The following FBXO22 variants were observed in gnomAD, a reference collection of about 807,000 sequenced individuals.
FBXO22 encodes F-box protein 22, also known as F-box only protein 22.
In FBXO22, 13 loss-of-function variants were observed where a neutral mutation model predicts 37.2. That is an observed-to-expected ratio of 0.35 (90% CI 0.23 to 0.56). FBXO22 has a LOEUF of 0.56. FBXO22 is among the 20% of genes least tolerant of loss of function. The pLI is 0.87. For missense variants in FBXO22, 446 were observed against 509.9 expected, an observed-to-expected ratio of 0.87 and a Z score of 1.21; for synonymous variants, 189 against 189.1, an observed-to-expected ratio of 1.00 and a Z score of 0.00.
In FBXO22 at chr15:75,904,602, G is replaced by A; in HGVS notation, c.252G>A (p.Leu84=). ...AEAGHLEGHC[L]VRVVAEELEN... ...CCGGCCACCTGGAGGGGCATTGCTT[G>A]GTTCGCGTGGTAGCAGAGGAGCTTG... The change falls in exon 2 of 7, where the codon TTG becomes TTA. Residue 84 remains leucine (L), a synonymous_variant. Coordinates refer to ENST00000308275, the MANE Select transcript of FBXO22 (RefSeq NM_147188.3). 1 of 1,612,154 alleles carries A rather than the reference G, an allele frequency of 6.2e-7. No individual in the cohort carries two copies. The highest frequency in any genetic ancestry group is 1.1e-5 in the South Asian group (1 of 90,906).
At chr15:75,913,790 G>GC (rs146575958) in intron 3 of FBXO22, among the ~76,000 whole-genome samples, 3,250 of 152,244 alleles carry the variant, frequency 0.021, 138 homozygotes, top group African/African-American at 0.075. Flanking sequence ...TAGTTATACT[G>GC]CAATATCAGC....
At chr15:75,909,208 G>A (rs947778701) in intron 2 of FBXO22, among the ~76,000 whole-genome samples, 3 of 152,198 alleles carry the variant, frequency 2.0e-5, no homozygotes, top group African/African-American at 4.8e-5. Context: ...GGAGATAGGG[G>A]ACAAATAAGA....
rs1366743815 is a variant in FBXO22 at position 75,934,209 on chromosome 15, C to T, written c.*1107C>T. On this transcript the variant is annotated 3_prime_UTR_variant, in exon 7 of 7. Transcript: ENST00000308275. ...ATGACCATTTATTTGCCCCTTTCTC[C>T]ATCCTGTTGCTTGGAATGTGGATCT... 1.3e-5 allele frequency: 2 copies of T among 152,228 alleles called. No homozygotes were observed. Among genetic ancestry groups the T allele is most frequent in the African/African-American group, 4.8e-5 (2 of 41,436 alleles). 9.4% of individuals were successfully genotyped at this position (152,228 alleles called of 1,614,324 possible). A position where few individuals can be genotyped will look rare whatever the true frequency, so the allele number is the denominator to read the frequency against.
rs1295557794 is a variant in FBXO22 at position 75,935,343 on chromosome 15, TAAA to T, written c.*2245_*2247del. On this transcript the variant is annotated 3_prime_UTR_variant, in exon 7 of 7. Coordinates refer to ENST00000308275, the MANE Select transcript of FBXO22 (RefSeq NM_147188.3). Reference sequence around the variant, plus strand: ...TGATCACATGAAAAAAATGTGAGCATAAAAAAGAGAAGTAAAGGTGTACCATTA... The same window carrying T: ...TGATCACATGAAAAAAATGTGAGCATAAAGAGAAGTAAAGGTGTACCATTA... The T allele has an allele frequency of 6.6e-6, 1 of 152,070 alleles. No individual in the cohort carries two copies. The highest frequency in any genetic ancestry group is 2.4e-5 in the African/African-American group (1 of 41,406). 9.4% of individuals were successfully genotyped at this position (152,070 alleles called of 1,614,324 possible).
At position 75,904,477 on chromosome 15, in the gene FBXO22, G is replaced by T; in HGVS notation, c.141-14G>T. 1.2e-6 allele frequency: 2 copies of T among 1,613,750 alleles called. No homozygotes were observed. Among genetic ancestry groups the T allele is most frequent in the Non-Finnish European group, 1.7e-6 (2 of 1,179,840 alleles). ...AACGTCCGTTCGCAATCCTTTGTGCGTTTGCGTCCTCAGCGTGTGCCGCTT... is the reference window on the plus strand; with the variant it reads ...AACGTCCGTTCGCAATCCTTTGTGCTTTTGCGTCCTCAGCGTGTGCCGCTT... On this transcript the variant is annotated splice_polypyrimidine_tract_variant and intron_variant, in intron 1 of 6. Coordinates refer to ENST00000308275, the MANE Select transcript of FBXO22 (RefSeq NM_147188.3).
At chr15:75,908,075 G>T (rs913516100) in intron 2 of FBXO22, among the ~76,000 whole-genome samples, 1 of 152,160 alleles carries the variant, frequency 6.6e-6, no homozygotes, top group Non-Finnish European at 1.5e-5. Context: ...ATTGAGGCTT[G>T]TTATGTCACT....
intron 6 of FBXO22, chr15:75,930,455 C>T: frequency 1.0e-6 from 1 of 996,280 alleles, no homozygotes; most frequent in Non-Finnish European, 1.2e-6. Flanking sequence ...CTGTGGAAAT[C>T]TGGAAGGAGA....
intron 6 of FBXO22, among the ~76,000 whole-genome samples, chr15:75,931,240 A>G (rs1030308243): frequency 6.6e-6 from 1 of 152,138 alleles, no homozygotes; most frequent in African/African-American, 2.4e-5. Context: ...AGCTATTTGT[A>G]TATCATCTAC....
intron 3 of FBXO22, 23 bp downstream of exon 3, chr15:75,913,313 T>G (rs1329700177): frequency 6.6e-7 from 1 of 1,516,620 alleles, no homozygotes; most frequent in East Asian, 2.3e-5. Context: ...AGAAAAGCTT[T>G]TGCTTCTGTT....
intron 4 of FBXO22, 62 bp downstream of exon 4, chr15:75,914,267 G>C: frequency 8.5e-7 from 1 of 1,180,598 alleles, no homozygotes; most frequent in Non-Finnish European, 1.3e-6. Flanking sequence ...CTTTGGATTG[G>C]TGAGTTATTT....
chr15:75,905,844 G>A (rs961631273), intron 2 of FBXO22, among the ~76,000 whole-genome samples: 8 of 152,190 alleles, frequency 5.3e-5, no homozygotes, highest in Admixed American at 5.2e-4. Context: ...TAGGTGGCAT[G>A]TGATTTCCAT....
chr15:75,905,386 A>G (rs1430540123), intron 2 of FBXO22, among the ~76,000 whole-genome samples: 1 of 152,190 alleles, frequency 6.6e-6, no homozygotes, highest in East Asian at 1.9e-4. Flanking sequence ...TGAAGACTCG[A>G]ACTGTGGAGT....
intron 2 of FBXO22, 77 bp downstream of exon 2, chr15:75,904,706 C>G: frequency 7.1e-7 from 1 of 1,417,582 alleles, no homozygotes; most frequent in Non-Finnish European, 9.2e-7. Context: ...TTTTTTAAAT[C>G]CCAGTTTTGT....
At position 75,934,773 on chromosome 15, in the gene FBXO22, C is replaced by A. The variant is rs567415392; in HGVS notation, c.*1671C>A. The stretch of plus-strand genomic sequence containing the variant: ...GAATGTGCTCATATAGCCCATAAGG[C>A]AAATATTTTTTAAACTTTATTGTCC... On this transcript the variant is annotated 3_prime_UTR_variant, in exon 7 of 7. Transcript: ENST00000308275. 1 of 152,078 alleles carries A rather than the reference C, an allele frequency of 6.6e-6. No homozygotes were observed. The highest frequency in any genetic ancestry group is 2.4e-5 in the African/African-American group (1 of 41,408). The allele number at this position is 152,078 out of a possible 1,614,324, so 9.4% of individuals were successfully genotyped here. A position where few individuals can be genotyped will look rare whatever the true frequency, so the allele number is the denominator to read the frequency against.
intron 2 of FBXO22, among the ~76,000 whole-genome samples, chr15:75,905,231 G>A (rs1282144433): frequency 6.6e-6 from 1 of 152,148 alleles, no homozygotes; most frequent in African/African-American, 2.4e-5. Flanking sequence ...GTTTTACCGG[G>A]AAGACAACTG....
chr15:75,933,381 A>AGG lies in FBXO22; in HGVS notation c.*279_*280insGG. ...GATCATGTAGCTGCTGTGTAACATG[A>AGG]CCTTAAATAGTCTTCCTGCATAGGA... On this transcript the variant is annotated 3_prime_UTR_variant, in exon 7 of 7. Coordinates refer to ENST00000308275, the MANE Select transcript of FBXO22 (RefSeq NM_147188.3). 1 of 359,436 alleles carries AGG rather than the reference A, an allele frequency of 2.8e-6. No homozygotes were observed. The highest frequency in any genetic ancestry group is 5.1e-6 in the Non-Finnish European group (1 of 196,700). 22.3% of individuals were successfully genotyped at this position (359,436 alleles called of 1,614,324 possible). A position where few individuals can be genotyped will look rare whatever the true frequency, so the allele number is the denominator to read the frequency against.
chr15:75,916,640 A>G (rs558018496), intron 4 of FBXO22, among the ~76,000 whole-genome samples: 2 of 152,300 alleles, frequency 1.3e-5, no homozygotes, highest in East Asian at 3.9e-4. Flanking sequence ...TGTAATATCT[A>G]CCTGTAAAAT....
chr15:75,933,191 A>G lies in FBXO22; in HGVS notation c.*89A>G. The G allele has an allele frequency of 9.5e-7, 1 of 1,049,890 alleles. No homozygotes were observed. Among genetic ancestry groups the G allele is most frequent in the Non-Finnish European group, 1.4e-6 (1 of 723,664 alleles). 65.0% of individuals were successfully genotyped at this position (1,049,890 alleles called of 1,614,324 possible). ...TGGGCCATGTGTATTTCAAACAAAA[A>G]TAACTTTAGATATATCTTTTTTGTA... On this transcript the variant is annotated 3_prime_UTR_variant, in exon 7 of 7. Coordinates refer to ENST00000308275, the MANE Select transcript of FBXO22 (RefSeq NM_147188.3).
intron 2 of FBXO22, among the ~76,000 whole-genome samples, chr15:75,908,676 C>T (rs979025479): frequency 1.6e-4 from 24 of 152,182 alleles, no homozygotes; most frequent in Admixed American, 1.6e-3. Flanking sequence ...GCTCAATAGT[C>T]GTAGCACCAT....
Sources: gnomAD v4.1 joint callset for allele counts (sites outside exome capture counted in the v4.1 genomes callset) on GRCh38, gnomAD v4.1.1 for gene constraint, MANE v1.5 for transcripts, NCBI Gene and HGNC (gene_info 2026-07-23, HGNC 2026-07-21) for gene names.